FAU: variants seen among roughly 807,000 people sequenced by gnomAD.
FAU encodes the protein ubiquitin-like FUBI-ribosomal protein eS30 fusion protein.
For missense variants in FAU, 125 were observed against 173.9 expected (o/e 0.72, Z 1.58); for synonymous variants, 70 against 69.9 (o/e 1.00, Z -0.01).
In FAU at chr11:65,122,103, C is replaced by A; in HGVS notation, c.-22G>T. On this transcript the variant is annotated 5_prime_UTR_variant, in exon 1 of 5. Coordinates refer to ENST00000529639, the MANE Select transcript of FAU (RefSeq NM_001997.5). Reference sequence around the variant, plus strand: ...CCCCATTCTTACCTGAACGGCGGTCCCAGCTACCGCGAAGATGGAGTCGAG... The same window carrying A: ...CCCCATTCTTACCTGAACGGCGGTCACAGCTACCGCGAAGATGGAGTCGAG... The A allele has an allele frequency of 1.7e-6, 1 of 598,844 alleles. No homozygotes were observed. The highest frequency in any genetic ancestry group is 3.0e-6 in the Non-Finnish European group (1 of 337,514). The allele number at this position is 598,844 out of a possible 1,614,324, so 37.1% of individuals were successfully genotyped here. A position where few individuals can be genotyped will look rare whatever the true frequency, so the allele number is the denominator to read the frequency against.
Position 65,122,091 on chromosome 11 carries a change from T to C in FAU, c.-10A>G. On this transcript the variant is annotated splice_region_variant and 5_prime_UTR_variant, in exon 1 of 5. Coordinates refer to ENST00000529639, the MANE Select transcript of FAU (RefSeq NM_001997.5). ...ATCCAGCCAAGGCCCCATTCTTACCTGAACGGCGGTCCCAGCTACCGCGAA... is the reference window on the plus strand; with the variant it reads ...ATCCAGCCAAGGCCCCATTCTTACCCGAACGGCGGTCCCAGCTACCGCGAA... The C allele has an allele frequency of 1.7e-6, 1 of 597,728 alleles. No homozygotes were observed. The highest frequency in any genetic ancestry group is 1.9e-5 in the African/African-American group (1 of 53,916). The allele number at this position is 597,728 out of a possible 1,614,324, so 37.0% of individuals were successfully genotyped here.
rs748500776 is a variant in FAU, at chr11:65,120,775, GTCT to G, written c.305_307del (p.Lys102del). 2.6e-5 allele frequency: 42 copies of G among 1,612,238 alleles called. No individual in the cohort carries two copies. The highest frequency in any genetic ancestry group is 1.6e-4 in the Middle Eastern group (1 of 6,082). ...CTGCATCCGCCGCTTAGCCCGACCTGTCTTCTTCTTCTTCTTCTCCTGTTTGGC... is the reference window on the plus strand; with the variant it reads ...CTGCATCCGCCGCTTAGCCCGACCTGTCTTCTTCTTCTTCTCCTGTTTGGC... On this transcript the variant is annotated inframe_deletion, in exon 5 of 5. Transcript: ENST00000529639.
At position 65,121,582 on chromosome 11, in the gene FAU, C is replaced by T; in HGVS notation, c.138G>A (p.Ala46=). ...PEDQVVLLAG[A]PLEDEATLGQ... The stretch of plus-strand genomic sequence containing the variant: ...CCAGAGTGGCCTCATCCTCCAGGGG[C>T]GCGCCTGCCAGGAGCACGACTTGAT... Residue 46 remains alanine (A), a synonymous_variant, in exon 3 of 5, where the codon GCG becomes GCA. Coordinates refer to ENST00000529639, the MANE Select transcript of FAU (RefSeq NM_001997.5). 6.2e-7 allele frequency: 1 copy of T among 1,614,026 alleles called. No individual in the cohort carries two copies. Among genetic ancestry groups the T allele is most frequent in the Non-Finnish European group, 8.5e-7 (1 of 1,180,036 alleles).
chr11:65,120,810 G>C lies in FAU; in HGVS notation c.277-4C>G. ...TCTTCTTCTCCTGTTTGGCCACCTG[G>C]AGAAGGGAAGGTTAATCAGGCCCTG... On this transcript the variant is annotated splice_polypyrimidine_tract_variant and splice_region_variant and intron_variant, in intron 4 of 4. Transcript: ENST00000529639. 1 of 1,613,986 alleles carries C rather than the reference G, an allele frequency of 6.2e-7. No homozygotes were observed. The highest frequency in any genetic ancestry group is 8.5e-7 in the Non-Finnish European group (1 of 1,179,946).
At position 65,121,827 on chromosome 11, in the gene FAU, TAAAGA is replaced by T. The variant is rs776557235; in HGVS notation, c.-8-11_-8-7del. Reference sequence around the variant, plus strand: ...AAAGAGCTGCATATTGGCGACTGAGTAAAGAAAAGACGGCTTGTAAGAGAAGCCAA... The same window carrying T: ...AAAGAGCTGCATATTGGCGACTGAGTAAAGACGGCTTGTAAGAGAAGCCAA... On this transcript the variant is annotated splice_polypyrimidine_tract_variant and splice_region_variant and intron_variant, in intron 1 of 4. Transcript: ENST00000529639. 2 of 1,613,598 alleles carry T rather than the reference TAAAGA, an allele frequency of 1.2e-6. No individual in the cohort carries two copies. Among genetic ancestry groups the T allele is most frequent in the East Asian group, 2.2e-5 (1 of 44,874 alleles).
chr11:65,121,472 C>T (rs756452544), intron 3 of FAU, 28 bp downstream of exon 3: 15 of 1,607,126 alleles, frequency 9.3e-6, no homozygotes, highest in African/African-American at 2.7e-5. Flanking sequence ...CTTACCGGTA[C>T]TTCAAAGAAC....
chr11:65,121,369 G>C (rs1300756009), intron 3 of FAU, 131 bp downstream of exon 3: 191 of 1,244,282 alleles, frequency 1.5e-4, no homozygotes, highest in Non-Finnish European at 1.8e-4. Context: ...TAAACAGGAA[G>C]AATCACTCTG....
At chr11:65,121,462 CTT>C (rs1387986746) in intron 3 of FAU, 36 bp downstream of exon 3, 2 of 1,602,374 alleles carry the variant, frequency 1.2e-6, no homozygotes, top group Admixed American at 3.4e-5. Flanking sequence ...TCACTAGACG[CTT>C]ACCGGTACTT....
intron 4 of FAU, 80 bp downstream of exon 4, chr11:65,120,901 C>G (rs1042877839): frequency 1.6e-5 from 25 of 1,608,888 alleles, no homozygotes; most frequent in Non-Finnish European, 2.0e-5. Context: ...GAAGGCAAAC[C>G]GAGTAAGAGC....
chr11:65,120,682 TAA>T lies in FAU; in HGVS notation c.399_400del (p.Ter134SerfsTer4). 6.2e-7 allele frequency: 1 copy of T among 1,614,072 alleles called. No individual in the cohort carries two copies. The highest frequency in any genetic ancestry group is 8.5e-7 in the Non-Finnish European group (1 of 1,179,994). On this transcript the variant is annotated frameshift_variant and stop_lost, in exon 5 of 5. Transcript: ENST00000529639. LOFTEE classifies it high-confidence loss of function. Reference sequence around the variant, plus strand: ...GAGAAAGCCAGAATTACAAAAGACTTAAGAGTTGGCATTGGGGCCCTTCTTCT... The same window carrying T: ...GAGAAAGCCAGAATTACAAAAGACTTGAGTTGGCATTGGGGCCCTTCTTCT...
intron 3 of FAU, 98 bp from the exon 4 acceptor site, chr11:65,121,134 G>A (rs373413225): frequency 3.7e-5 from 46 of 1,227,792 alleles, no homozygotes; most frequent in Admixed American, 8.1e-5. Flanking sequence ...GAGAAGCTGC[G>A]CCCAATAGGT....
rs754270954 is a variant in FAU at position 65,120,633 on chromosome 11, C to A, written c.*48G>T. On this transcript the variant is annotated 3_prime_UTR_variant, in exon 5 of 5. Coordinates refer to ENST00000529639, the MANE Select transcript of FAU (RefSeq NM_001997.5). ...AAGTAAAGATGAAACAATGCGATGA[C>A]TGAACTAAGTGGCTTTTTTATTAGA... is the stretch of plus-strand genomic sequence containing the variant. 6.2e-7 allele frequency: 1 copy of A among 1,609,390 alleles called. No homozygotes were observed. The highest frequency in any genetic ancestry group is 1.1e-5 in the South Asian group (1 of 90,812).
chr11:65,121,165 T>C (rs921038125), intron 3 of FAU, 129 bp from the exon 4 acceptor site: 12 of 969,332 alleles, frequency 1.2e-5, no homozygotes, highest in Non-Finnish European at 1.7e-5. Context: ...AAGTTGCAGA[T>C]ATTTGACCTT....
At chr11:65,121,409 C>T in intron 3 of FAU, 91 bp downstream of exon 3, 1 of 1,480,714 alleles carries the variant, frequency 6.8e-7, no homozygotes, top group Non-Finnish European at 9.2e-7. Flanking sequence ...TACTCTATTA[C>T]CATAGGTGTG....
At chr11:65,121,372 T>C in intron 3 of FAU, 128 bp downstream of exon 3, 3 of 1,269,924 alleles carry the variant, frequency 2.4e-6, no homozygotes, top group South Asian at 2.9e-5. Flanking sequence ...ACAGGAAGAA[T>C]CACTCTGAAC....
chr11:65,121,977 G>T lies in FAU; in HGVS notation c.-9+113C>A. On this transcript the variant is annotated intron_variant, in intron 1 of 4. Coordinates refer to ENST00000529639, the MANE Select transcript of FAU (RefSeq NM_001997.5). ...CAGGCCTCCCAAGGAGTTCGGATAG[G>T]GACTGGAGCAGGGCCACGGAGCAGG... 13 of 728,534 alleles carry T rather than the reference G, an allele frequency of 1.8e-5. No individual in the cohort carries two copies. The South Asian group carries it at 2.3e-4, about 13-fold the overall frequency. The allele number at this position is 728,534 out of a possible 1,614,324, so 45.1% of individuals were successfully genotyped here.
chr11:65,120,678 G>A lies in FAU; in HGVS notation c.*3C>T, dbSNP rs1209680305. 1 of 1,613,822 alleles carries A rather than the reference G, an allele frequency of 6.2e-7. No individual in the cohort carries two copies. The highest frequency in any genetic ancestry group is 1.7e-5 in the Admixed American group (1 of 59,976). Reference sequence around the variant, plus strand: ...ATTAGAGAAAGCCAGAATTACAAAAGACTTAAGAGTTGGCATTGGGGCCCT... The same window carrying A: ...ATTAGAGAAAGCCAGAATTACAAAAAACTTAAGAGTTGGCATTGGGGCCCT... On this transcript the variant is annotated 3_prime_UTR_variant, in exon 5 of 5. Transcript: ENST00000529639.
chr11:65,121,891 G>A (rs1948052647), intron 1 of FAU, 70 bp from the exon 2 acceptor site: 5 of 1,521,038 alleles, frequency 3.3e-6, no homozygotes, highest in Non-Finnish European at 4.5e-6. Flanking sequence ...TTTGGGAGTG[G>A]AAAGCGGTCC....
rs553193202 is a variant in FAU at position 65,120,902 on chromosome 11, G to T, written c.276+79C>A. On this transcript the variant is annotated intron_variant, in intron 4 of 4. Transcript: ENST00000529639. ...TCTCCAGGGAGGGAGAAGGCAAACC[G>T]AGTAAGAGCCCAGGGACTTGGTTTA... is the stretch of plus-strand genomic sequence containing the variant. The T allele has an allele frequency of 1.9e-6, 3 of 1,609,248 alleles. No individual in the cohort carries two copies. In the Admixed American group the frequency reaches 5.0e-5, roughly 27 times the overall value.
Sources: allele counts gnomAD v4.1 joint callset, GRCh38; gene constraint gnomAD v4.1.1; transcripts MANE v1.5; gene names NCBI Gene and HGNC (gene_info 2026-07-23, HGNC 2026-07-21).